The following MSRA variants were observed in gnomAD, a reference collection of about 807,000 sequenced individuals.
MSRA encodes methionine sulfoxide reductase A.
MSRA carries 54 observed loss-of-function variants against 31.3 expected under a neutral mutation model. The ratio of observed to expected loss-of-function variants is 1.73; its 90% confidence interval spans 1.39 to 2.17. The LOEUF (loss-of-function observed/expected upper bound fraction) is 2.17. Ranked by LOEUF, MSRA falls within the 30% of genes most tolerant of loss-of-function variation. The probability of loss-of-function intolerance (pLI) is 0.00; values close to 1 mark genes in which losing one functional copy is unlikely to be tolerated. For synonymous variants in MSRA, 169 were observed against 116.5 expected, an observed-to-expected ratio of 1.45 and a Z score of -2.90; for missense variants, 507 against 300.9, an observed-to-expected ratio of 1.69 and a Z score of -5.07.
At chr8:10,136,991 A>G (rs530755831) in intron 1 of MSRA, among the ~76,000 whole-genome samples, 5 of 152,304 alleles carry the variant, frequency 3.3e-5, no homozygotes, top group South Asian at 4.1e-4. Flanking sequence ...TAGCCTCTTT[A>G]CCATATAGAT....
At chr8:10,311,892 G>C (rs1448693953) in intron 4 of MSRA, among the ~76,000 whole-genome samples, 1 of 152,170 alleles carries the variant, frequency 6.6e-6, no homozygotes, top group African/African-American at 2.4e-5. Context: ...ACACCAGCCT[G>C]GGCAACAGAG....
chr8:10,308,870 G>T (rs1028340917), intron 4 of MSRA, among the ~76,000 whole-genome samples: 3 of 152,204 alleles, frequency 2.0e-5, no homozygotes, highest in Non-Finnish European at 4.4e-5. Context: ...AGCAAAGTCA[G>T]TGATGCCTAC....
chr8:10,388,647 C>G (rs767376554), intron 5 of MSRA, among the ~76,000 whole-genome samples: 1 of 152,116 alleles, frequency 6.6e-6, no homozygotes, highest in Non-Finnish European at 1.5e-5. Context: ...TTCCCATTAC[C>G]TCAGACTCCA....
chr8:10,207,927 C>T (rs1809142957), intron 2 of MSRA, 26 bp downstream of exon 2: 2 of 1,589,788 alleles, frequency 1.3e-6, no homozygotes, highest in East Asian at 2.2e-5. Context: ...TGAAAGAAAA[C>T]CCAAATTGTG....
chr8:10,384,620 A>G (rs1284766009), intron 5 of MSRA, among the ~76,000 whole-genome samples: 1 of 152,220 alleles, frequency 6.6e-6, no homozygotes, highest in Non-Finnish European at 1.5e-5. Flanking sequence ...TATTTCTGGA[A>G]GCTTCCAGGT....
intron 5 of MSRA, chr8:10,337,968 A>T: frequency 1.6e-6 from 1 of 614,560 alleles, no homozygotes; most frequent in Admixed American, 2.6e-5. Context: ...TGGGTGGCCC[A>T]GGAAAGCAGG....
chr8:10,308,986 A>G (rs1801288373), intron 4 of MSRA, among the ~76,000 whole-genome samples: 1 of 152,206 alleles, frequency 6.6e-6, no homozygotes, highest in Non-Finnish European at 1.5e-5. Context: ...TCCTTGCTCC[A>G]GGATCGAGGA....
At chr8:10,179,952 A>G (rs1806390918) in intron 1 of MSRA, among the ~76,000 whole-genome samples, 1 of 152,136 alleles carries the variant, frequency 6.6e-6, no homozygotes, top group South Asian at 2.1e-4. Context: ...TCTGACACCA[A>G]CTGTATAGAT....
intron 5 of MSRA, among the ~76,000 whole-genome samples, chr8:10,389,678 C>T (rs1563424578): frequency 6.6e-6 from 1 of 151,526 alleles, no homozygotes; most frequent in South Asian, 2.1e-4. Context: ...CATCCTCTCT[C>T]CAGTCCTGCC....
chr8:10,376,464 G>T (rs1200109966), intron 5 of MSRA, among the ~76,000 whole-genome samples: 3 of 152,170 alleles, frequency 2.0e-5, no homozygotes, highest in African/African-American at 7.2e-5. Flanking sequence ...CTTGGATCTT[G>T]GGCATGGCAC....
At chr8:10,413,529 C>T (rs553626419) in intron 5 of MSRA, among the ~76,000 whole-genome samples, 1 of 152,000 alleles carries the variant, frequency 6.6e-6, no homozygotes, top group South Asian at 2.1e-4. Flanking sequence ...ATGACGGTAT[C>T]CGTTACTAAA....
intron 5 of MSRA, chr8:10,353,995 TA>T (rs1168912226): frequency 5.6e-6 from 1 of 177,160 alleles, no homozygotes; most frequent in African/African-American, 2.4e-5. Context: ...GGTTAACTTT[TA>T]AAAGTGCATG....
At chr8:10,355,698 C>T (rs1195624341) in intron 5 of MSRA, among the ~76,000 whole-genome samples, 10 of 152,088 alleles carry the variant, frequency 6.6e-5, no homozygotes, top group Admixed American at 6.5e-4. Flanking sequence ...AGTAGCTTTC[C>T]TGGGTGCCCT....
intron 5 of MSRA, among the ~76,000 whole-genome samples, chr8:10,347,039 GC>G (rs1464476899): frequency 6.6e-6 from 1 of 151,970 alleles, no homozygotes; most frequent in Non-Finnish European, 1.5e-5. Context: ...CATCATTCTG[GC>G]TGAAGCCCCC....
intron 5 of MSRA, among the ~76,000 whole-genome samples, chr8:10,421,082 A>T (rs1350983254): frequency 6.6e-6 from 1 of 152,148 alleles, no homozygotes; most frequent in African/African-American, 2.4e-5. Flanking sequence ...TGAGCTGGGT[A>T]GGGAGAGTCT....
At chr8:10,403,219 C>T (rs778190965) in intron 5 of MSRA, among the ~76,000 whole-genome samples, 3 of 152,206 alleles carry the variant, frequency 2.0e-5, no homozygotes, top group East Asian at 1.9e-4. Context: ...CTGAGACTAA[C>T]GAAACAGCTT....
chr8:10,331,911 T>C (rs1802724479), intron 5 of MSRA, among the ~76,000 whole-genome samples: 2 of 152,230 alleles, frequency 1.3e-5, no homozygotes, highest in African/African-American at 4.8e-5. Context: ...AATTTTGATC[T>C]GTGGTTGGAT....
intron 3 of MSRA, chr8:10,250,480 A>C: frequency 1.4e-6 from 1 of 702,480 alleles, no homozygotes; most frequent in South Asian, 1.5e-5. Context: ...AAATCTGCAC[A>C]GCCAAGTGGC....
chr8:10,226,979 A>G (rs925557381), intron 2 of MSRA, among the ~76,000 whole-genome samples: 1 of 152,182 alleles, frequency 6.6e-6, no homozygotes, highest in Non-Finnish European at 1.5e-5. Context: ...TGGTCCAGGG[A>G]GCTGGTTTTG....
Sources: allele counts gnomAD v4.1 joint callset (sites outside exome capture counted in the v4.1 genomes callset), GRCh38; gene constraint gnomAD v4.1.1; transcripts MANE v1.5; gene names NCBI Gene and HGNC (gene_info 2026-07-23, HGNC 2026-07-21).